Variants in ARHGAP26 observed in about 807,000 individuals in gnomAD.
The protein encoded by ARHGAP26 is rho GTPase-activating protein 26.
Under a neutral mutation model 104.8 loss-of-function variants are expected in ARHGAP26, and 38 were observed. The observed-to-expected ratio is 0.36, with a 90% CI of 0.28 to 0.48. The LOEUF (loss-of-function observed/expected upper bound fraction) is 0.48. Among genes scored for constraint, ARHGAP26 ranks in the 20% least tolerant of loss-of-function variants. The probability of loss-of-function intolerance (pLI) is 0.99; values close to 1 mark genes in which losing one functional copy is unlikely to be tolerated. For missense variants in ARHGAP26, 704 were observed against 947.9 expected (o/e 0.74, Z 3.38); for synonymous variants, 341 against 340.0 (o/e 1.00, Z -0.03).
chr5:143,017,413 C>T (rs1779738292), intron 12 of ARHGAP26, among the ~76,000 whole-genome samples: 1 of 152,148 alleles, frequency 6.6e-6, no homozygotes, highest in South Asian at 2.1e-4. Flanking sequence ...TTTTCTTCTC[C>T]TCTTCTCTAT....
At chr5:142,911,711 C>T (rs536428027) in intron 9 of ARHGAP26, among the ~76,000 whole-genome samples, 1 of 152,308 alleles carries the variant, frequency 6.6e-6, no homozygotes, top group Admixed American at 6.5e-5. Context: ...CCTATTCCCT[C>T]CCATTTCTCT....
intron 11 of ARHGAP26, among the ~76,000 whole-genome samples, chr5:142,980,564 T>C (rs1422301624): frequency 6.6e-6 from 1 of 151,906 alleles, no homozygotes; most frequent in East Asian, 1.9e-4. Context: ...GATTTTTGCA[T>C]TTTTAGTAAA....
intron 11 of ARHGAP26, among the ~76,000 whole-genome samples, chr5:143,006,870 T>C (rs533370157): frequency 2.6e-5 from 4 of 152,268 alleles, no homozygotes; most frequent in Admixed American, 2.6e-4. Flanking sequence ...AGAAAAATCA[T>C]GTCCATTCAT....
chr5:143,208,927 T>C lies in ARHGAP26; in HGVS notation c.2099+1619T>C, dbSNP rs555977860. 6.6e-5 allele frequency among the ~76,000 whole-genome samples: 10 copies of C among 152,304 alleles called. No individual in the cohort carries two copies. The East Asian group carries it at 1.9e-3, about 29-fold the overall frequency. The stretch of plus-strand genomic sequence containing the variant: ...CATCTTCTGGGCACTTTGGGAGACA[T>C]CAACTTTCTAAGATACCAGAAATAG... On this transcript the variant is annotated intron_variant, in intron 21 of 22. Transcript: ENST00000645722.
At chr5:142,928,498 G>A (rs975323585) in intron 10 of ARHGAP26, among the ~76,000 whole-genome samples, 38 of 152,116 alleles carry the variant, frequency 2.5e-4, no homozygotes, top group African/African-American at 7.2e-4. Flanking sequence ...GAAGTGCATG[G>A]CTGATTTTGA....
At chr5:143,082,472 T>C (rs1193240948) in intron 17 of ARHGAP26, among the ~76,000 whole-genome samples, 1 of 152,236 alleles carries the variant, frequency 6.6e-6, no homozygotes, top group Non-Finnish European at 1.5e-5. Flanking sequence ...GAAAACCTGT[T>C]ATATGTCAGG....
intron 10 of ARHGAP26, among the ~76,000 whole-genome samples, chr5:142,928,800 G>A (rs1403718737): frequency 6.6e-6 from 1 of 152,138 alleles, no homozygotes; most frequent in Admixed American, 6.5e-5. Context: ...TATACTGCTG[G>A]GTTATAATTA....
At chr5:142,976,190 T>C (rs1253432858) in intron 11 of ARHGAP26, among the ~76,000 whole-genome samples, 3 of 152,250 alleles carry the variant, frequency 2.0e-5, no homozygotes, top group Non-Finnish European at 4.4e-5. Context: ...TGAAGGATTC[T>C]GCAGATTTTT....
At chr5:143,221,557 A>G (rs1440295488) in intron 22 of ARHGAP26, among the ~76,000 whole-genome samples, 1 of 152,142 alleles carries the variant, frequency 6.6e-6, no homozygotes, top group Non-Finnish European at 1.5e-5. Context: ...TCTGTCGCCC[A>G]GGCTGGAGTG....
At chr5:142,917,791 C>T (rs903201782) in intron 10 of ARHGAP26, among the ~76,000 whole-genome samples, 6 of 152,054 alleles carry the variant, frequency 3.9e-5, no homozygotes, top group Non-Finnish European at 7.4e-5. Flanking sequence ...CCTCAGCTCT[C>T]GAGTAGTTGA....
chr5:143,217,576 G>A (rs1449997244), intron 22 of ARHGAP26, among the ~76,000 whole-genome samples: 1 of 152,166 alleles, frequency 6.6e-6, no homozygotes, highest in Non-Finnish European at 1.5e-5. Flanking sequence ...CATTCCCATG[G>A]TACCTAACAC....
At chr5:142,951,518 G>A (rs1768383404) in intron 11 of ARHGAP26, among the ~76,000 whole-genome samples, 1 of 152,138 alleles carries the variant, frequency 6.6e-6, no homozygotes, top group South Asian at 2.1e-4. Flanking sequence ...CTGGGATTTG[G>A]GCTGGGGTCT....
chr5:143,040,566 CAAGT>C (rs1783309723), intron 13 of ARHGAP26, among the ~76,000 whole-genome samples: 1 of 151,142 alleles, frequency 6.6e-6, no homozygotes. Context: ...ACAGAAAAAA[CAAGT>C]AAATAATCAA....
At chr5:142,902,156 G>T in intron 7 of ARHGAP26, 117 bp downstream of exon 7, 1 of 839,344 alleles carries the variant, frequency 1.2e-6, no homozygotes, top group Non-Finnish European at 1.9e-6. Context: ...GGTGGGTCTT[G>T]CTTGGGTTCA....
At chr5:143,102,337 T>G (rs539967440) in intron 17 of ARHGAP26, among the ~76,000 whole-genome samples, 79 of 152,280 alleles carry the variant, frequency 5.2e-4, no homozygotes, top group South Asian at 3.3e-3. Context: ...CAGGTCTTCC[T>G]AGAAATGCCA....
At chr5:143,195,484 A>G (rs1484414236) in intron 20 of ARHGAP26, among the ~76,000 whole-genome samples, 1 of 152,154 alleles carries the variant, frequency 6.6e-6, no homozygotes, top group African/African-American at 2.4e-5. Flanking sequence ...CAGAGAGCCA[A>G]TGCCCCTCAG....
intron 4 of ARHGAP26, 105 bp downstream of exon 4, chr5:142,879,550 A>G: frequency 4.8e-6 from 5 of 1,052,592 alleles, no homozygotes; most frequent in Non-Finnish European, 6.9e-6. Flanking sequence ...AGAAAATCGA[A>G]GCCCACCTTC....
At chr5:142,849,564 A>G (rs1751116773) in intron 1 of ARHGAP26, among the ~76,000 whole-genome samples, 2 of 151,576 alleles carry the variant, frequency 1.3e-5, no homozygotes, top group African/African-American at 4.9e-5. Context: ...TGTCCTGTGG[A>G]TCTTCTCAAG....
At chr5:143,012,574 T>TATATATATATATATATATATATAC (rs1779023943) in intron 11 of ARHGAP26, among the ~76,000 whole-genome samples, 2 of 87,924 alleles carry the variant, frequency 2.3e-5, no homozygotes, top group Admixed American at 1.4e-4. Flanking sequence ...TATATATATA[T>TATATATATATATATATATATATAC]ATTATGATCA....
Sources: gnomAD v4.1 joint callset for allele counts (sites outside exome capture counted in the v4.1 genomes callset) on GRCh38, gnomAD v4.1.1 for gene constraint, MANE v1.5 for transcripts, NCBI Gene and HGNC (gene_info 2026-07-23, HGNC 2026-07-21) for gene names.